DNAJC2: variants seen among roughly 807,000 people sequenced by gnomAD.
DNAJC2 encodes dnaJ homolog subfamily C member 2.
A neutral mutation model predicts 94.0 loss-of-function variants in DNAJC2; 32 were observed. The observed-to-expected ratio is 0.34, with a 90% CI of 0.26 to 0.46. The LOEUF (loss-of-function observed/expected upper bound fraction) is 0.46. Ranked by LOEUF, DNAJC2 falls within the 20% of genes least tolerant of loss-of-function variation. DNAJC2 has a pLI of 1.00. For synonymous variants in DNAJC2, 210 were observed against 229.7 expected (o/e 0.91, Z 0.77); for missense variants, 550 against 719.5 (o/e 0.76, Z 2.69).
intron 2 of DNAJC2, among the ~76,000 whole-genome samples, chr7:103,339,309 G>A (rs910618908): frequency 1.3e-5 from 2 of 152,166 alleles, no homozygotes; most frequent in Non-Finnish European, 2.9e-5. Flanking sequence ...ACAAGTGAAT[G>A]AACTCTGCTA....
chr7:103,324,121 A>G (rs898361113), intron 6 of DNAJC2, among the ~76,000 whole-genome samples: 2 of 152,240 alleles, frequency 1.3e-5, no homozygotes, highest in African/African-American at 4.8e-5. Context: ...CACATATAAA[A>G]TGGCCACTAA....
At chr7:103,314,019 G>A (rs1320327846) in intron 15 of DNAJC2, 1 of 985,156 alleles carries the variant, frequency 1.0e-6, no homozygotes, top group Non-Finnish European at 1.2e-6. Context: ...CCCAATTAAA[G>A]AAGGAAAAAC....
chr7:103,326,754 T>C, intron 4 of DNAJC2, 70 bp from the exon 5 acceptor site: 2 of 1,435,644 alleles, frequency 1.4e-6, no homozygotes, highest in Non-Finnish European at 1.9e-6. Context: ...AAACAAGTAT[T>C]TCCCTCCTTA....
intron 15 of DNAJC2, chr7:103,313,729 T>C (rs1817888256): frequency 1.0e-6 from 1 of 985,292 alleles, no homozygotes; most frequent in Non-Finnish European, 1.2e-6. Flanking sequence ...TTGTGGTTCT[T>C]CAACTAAACC....
intron 10 of DNAJC2, 111 bp downstream of exon 10, chr7:103,321,821 C>T (rs1818435632): frequency 7.8e-7 from 1 of 1,278,442 alleles, no homozygotes; most frequent in South Asian, 1.6e-5. Context: ...GCACTCCAGC[C>T]TGGGCGACAG....
At chr7:103,319,868 G>GT in intron 10 of DNAJC2, 24 bp from the exon 11 acceptor site, 1 of 1,608,966 alleles carries the variant, frequency 6.2e-7, no homozygotes, top group Non-Finnish European at 8.5e-7. Context: ...CACAAAAATA[G>GT]TATCTACACT....
At position 103,327,647 on chromosome 7, in the gene DNAJC2, T is replaced by C. The variant is rs1243399122; in HGVS notation, c.430+9A>G. 1 of 1,549,384 alleles carries C rather than the reference T, an allele frequency of 6.5e-7. No homozygotes were observed. Among genetic ancestry groups the C allele is most frequent in the Non-Finnish European group, 8.9e-7 (1 of 1,128,666 alleles). On this transcript the variant is annotated intron_variant, in intron 4 of 16. Transcript: ENST00000379263. ...ATTAGAAATTCCTGACTCTAAAGCATTTTCTTACCTTTAGTTATGCAAGTG... is the reference window on the plus strand; with the variant it reads ...ATTAGAAATTCCTGACTCTAAAGCACTTTCTTACCTTTAGTTATGCAAGTG...
intron 3 of DNAJC2, among the ~76,000 whole-genome samples, chr7:103,331,224 C>T (rs946823145): frequency 2.0e-5 from 3 of 152,346 alleles, no homozygotes; most frequent in South Asian, 2.1e-4. Flanking sequence ...TCCCAAAGCG[C>T]TGGGATTACA....
At chr7:103,318,160 A>G (rs1249356654) in intron 12 of DNAJC2, among the ~76,000 whole-genome samples, 1 of 146,416 alleles carries the variant, frequency 6.8e-6, no homozygotes, top group South Asian at 2.2e-4. Flanking sequence ...TCCCCATAAC[A>G]TTTTTTTTTT....
At position 103,322,535 on chromosome 7, in the gene DNAJC2, C is replaced by G. The variant is rs751740147; in HGVS notation, c.909G>C (p.Arg303=). Residue 303 remains arginine, a synonymous_variant, in exon 9 of 17, where the codon CGG becomes CGC. Transcript: ENST00000379263. The part of the protein sequence containing the change: ...AEKKAKAEAK[R]KEQEAKEKQR... ...CTTTTTCTTTAGCTTCTTGCTCCTT[C>G]CGTTTAGCTTCTGCTTTTGCTTTCT... 1.3e-6 allele frequency: 2 copies of G among 1,529,888 alleles called. No individual in the cohort carries two copies. The highest frequency in any genetic ancestry group is 1.8e-6 in the Non-Finnish European group (2 of 1,117,572). The allele number at this position is 1,529,888 out of a possible 1,614,324, so 94.8% of individuals were successfully genotyped here. A position where few individuals can be genotyped will look rare whatever the true frequency, so the allele number is the denominator to read the frequency against.
chr7:103,316,384 C>A, intron 13 of DNAJC2: 1 of 240,790 alleles, frequency 4.2e-6, no homozygotes, highest in Non-Finnish European at 7.9e-6. Context: ...TAATACATTT[C>A]TTCAGAAGAT....
At chr7:103,313,245 A>AT in intron 15 of DNAJC2, 144 bp from the exon 16 acceptor site, 1 of 1,408,878 alleles carries the variant, frequency 7.1e-7, no homozygotes, top group South Asian at 1.7e-5. Context: ...AGAGATACAT[A>AT]TAGCCCTCTG....
intron 15 of DNAJC2, chr7:103,314,234 C>T: frequency 1.0e-6 from 1 of 985,336 alleles, no homozygotes; most frequent in Non-Finnish European, 1.2e-6. Context: ...ATGGAAGTGA[C>T]ATGGCAGTAT....
At position 103,321,921 on chromosome 7, in the gene DNAJC2, G is replaced by T. The variant is rs148392195; in HGVS notation, c.1083+11C>A. ...TTTACTTGTGCCTAGTGTTTGTTCA[G>T]TCTGATATACCTTGCATGAGTTTCG... On this transcript the variant is annotated intron_variant, in intron 10 of 16. Transcript: ENST00000379263. 33 of 1,609,440 alleles carry T rather than the reference G, an allele frequency of 2.1e-5. No homozygotes were observed. The East Asian group carries it at 7.4e-4, about 36-fold the overall frequency.
rs536146023 is a variant in DNAJC2 at position 103,337,753 on chromosome 7, C to G, written c.314G>C (p.Arg105Thr). The change falls in exon 3 of 17, where the codon AGA becomes ACA. Residue 105 changes from arginine to threonine, a missense_variant. Transcript: ENST00000379263. ...LGHVRYKATQRQIKAAHKAMV... is the reference protein window; with the variant it reads ...LGHVRYKATQTQIKAAHKAMV... ...GTACTTACGAGCTGCTTTGATCTGT[C>G]TCTGTGTAGCCTTGTATCTCACATG... 1.9e-6 allele frequency: 3 copies of G among 1,613,456 alleles called. No homozygotes were observed. Among genetic ancestry groups the G allele is most frequent in the African/African-American group, 2.7e-5 (2 of 74,840 alleles).
At chr7:103,316,627 G>T (rs1818071851) in intron 13 of DNAJC2, 2 of 547,986 alleles carry the variant, frequency 3.6e-6, no homozygotes, top group Non-Finnish European at 6.4e-6. Context: ...CAAGTATTCT[G>T]TCATATGTAT....
At chr7:103,312,718 A>G (rs1056493102) in intron 16 of DNAJC2, 75 bp from the exon 17 acceptor site, 1 of 1,586,806 alleles carries the variant, frequency 6.3e-7, no homozygotes, top group Non-Finnish European at 8.5e-7. Flanking sequence ...TTTGGTGTAA[A>G]GAATTCAAGC....
rs746249259 is a variant in DNAJC2 at position 103,312,985 on chromosome 7, G to T, written c.1753C>A (p.Pro585Thr). The part of the protein sequence containing the change: ...ERWEKIAEAV[P>T]GRTKKDCMKR... Reference sequence around the variant, plus strand: ...ATGCAGTCCTTCTTTGTCCTGCCAGGCACCGCTTCTGCTATTTTTTCCCAT... The same window carrying T: ...ATGCAGTCCTTCTTTGTCCTGCCAGTCACCGCTTCTGCTATTTTTTCCCAT... The change falls in exon 16 of 17, where the codon CCT becomes ACT. Residue 585 changes from proline to threonine, a missense_variant. Transcript: ENST00000379263. 1 of 1,613,872 alleles carries T rather than the reference G, an allele frequency of 6.2e-7. No homozygotes were observed.
intron 4 of DNAJC2, 64 bp downstream of exon 4, chr7:103,327,592 A>C: frequency 9.0e-7 from 1 of 1,106,340 alleles, no homozygotes; most frequent in Non-Finnish European, 1.3e-6. Context: ...TAAGAAACCC[A>C]ATCCCAGCAA....
Sources: gnomAD v4.1 joint callset for allele counts (sites outside exome capture counted in the v4.1 genomes callset) on GRCh38, gnomAD v4.1.1 for gene constraint, MANE v1.5 for transcripts, NCBI Gene and HGNC (gene_info 2026-07-23, HGNC 2026-07-21) for gene names.